Variants in BRD4 observed in about 807,000 individuals in gnomAD.
The protein encoded by BRD4 is bromodomain containing 4.
A neutral mutation model predicts 142.1 loss-of-function variants in BRD4; 16 were observed. The ratio of observed to expected loss-of-function variants is 0.11; its 90% CI spans 0.08 to 0.17. The LOEUF is 0.17. Ranked by LOEUF, BRD4 falls within the 10% of genes least tolerant of loss-of-function variation. The pLI, the probability that BRD4 is intolerant of heterozygous loss-of-function variation, is 1.00. For missense variants in BRD4, 1,424 were observed against 1,810.9 expected (o/e 0.79, Z 3.88); for synonymous variants, 833 against 707.5 (o/e 1.18, Z -2.82).
Position 15,275,567 on chromosome 19 carries a change from A to T in BRD4, c.-34-2434T>A, listed in dbSNP as rs536834193. On this transcript the variant is annotated intron_variant, in intron 1 of 19. Transcript: ENST00000679869. ...TCGTGACACAGTGGCCATCCTTAACACACACACACCCAGGCCCCTGAGGAA... is the reference window on the plus strand; with the variant it reads ...TCGTGACACAGTGGCCATCCTTAACTCACACACACCCAGGCCCCTGAGGAA... The T allele has an allele frequency of 2.6e-5, 4 of 152,286 alleles. No homozygotes were observed. The East Asian group carries it at 7.7e-4, about 29-fold the overall frequency. 9.4% of individuals were successfully genotyped at this position (152,286 alleles called of 1,614,324 possible). A position where few individuals can be genotyped will look rare whatever the true frequency, so the allele number is the denominator to read the frequency against.
chr19:15,244,315 G>T lies in BRD4; in HGVS notation c.2497C>A (p.Pro833Thr). The T allele has an allele frequency of 6.3e-7, 1 of 1,597,580 alleles. No individual in the cohort carries two copies. ...FTQPILHLPQ[P>T]ELPPHLPQPP... ...TGGGGCAGGTGAGGGGGCAGCTCAG[G>T]CTGCGGCAGGTGCAGGATGGGCTGG... The change falls in exon 13 of 20, where the codon CCT becomes ACT. Residue 833 changes from proline to threonine, a missense_variant. Physicochemically the swap from Pro to Thr is conservative, Grantham distance 38. This residue lies in a region of BRD4 where 598 missense variants were observed against 647.8 expected (regional missense o/e 0.92). Coordinates refer to ENST00000679869, the MANE Select transcript of BRD4 (RefSeq NM_001379291.1).
chr19:15,320,391 C>CT, intron 1 of BRD4, among the ~76,000 whole-genome samples: 1 of 152,094 alleles, frequency 6.6e-6, no homozygotes, highest in Non-Finnish European at 1.5e-5. Context: ...ACAACTGTAC[C>CT]TTTTGCAGGC....
intron 1 of BRD4, among the ~76,000 whole-genome samples, chr19:15,320,723 T>C (rs891762017): frequency 6.6e-6 from 1 of 152,234 alleles, no homozygotes; most frequent in Non-Finnish European, 1.5e-5. Flanking sequence ...GAGCTCCTTC[T>C]ATGCCTGACA....
intron 1 of BRD4, among the ~76,000 whole-genome samples, chr19:15,328,928 T>G (rs1231832096): frequency 1.3e-5 from 2 of 152,174 alleles, no homozygotes; most frequent in East Asian, 3.9e-4. Flanking sequence ...CATGCGCCAC[T>G]ATGCCCGGCT....
At chr19:15,300,271 C>G (rs2047856732) in intron 1 of BRD4, among the ~76,000 whole-genome samples, 1 of 151,912 alleles carries the variant, frequency 6.6e-6, no homozygotes, top group African/African-American at 2.4e-5. Flanking sequence ...AAATAAAAAC[C>G]TATGTGTCGG....
intron 1 of BRD4, among the ~76,000 whole-genome samples, chr19:15,303,383 A>G (rs958155220): frequency 1.3e-5 from 2 of 152,116 alleles, no homozygotes; most frequent in African/African-American, 4.8e-5. Flanking sequence ...TCAAACTAGT[A>G]AAACTATTTG....
At chr19:15,264,985 A>G (rs1181256443) in intron 5 of BRD4, among the ~76,000 whole-genome samples, 1 of 152,242 alleles carries the variant, frequency 6.6e-6, no homozygotes, top group East Asian at 1.9e-4. Context: ...AGGAGAAAGC[A>G]TAAAACTGTG....
chr19:15,243,417 G>T lies in BRD4; in HGVS notation c.2652C>A (p.Pro884=). Residue 884 remains proline (P), a synonymous_variant, in exon 14 of 20, where the codon CCC becomes CCA. Coordinates refer to ENST00000679869, the MANE Select transcript of BRD4 (RefSeq NM_001379291.1). ...CTGGTGACACGGCTGGGGGCCGGGC[G>T]GGCTTGGGAGGCAGGGCAGCGGCTC... The part of the protein sequence containing the change: ...SNRAAALPPK[P]ARPPAVSPAL... The T allele has an allele frequency of 6.4e-7, 1 of 1,570,890 alleles. No homozygotes were observed. The highest frequency in any genetic ancestry group is 8.6e-7 in the Non-Finnish European group (1 of 1,161,108).
chr19:15,325,277 T>A (rs1366962636), intron 1 of BRD4, among the ~76,000 whole-genome samples: 1 of 152,176 alleles, frequency 6.6e-6, no homozygotes, highest in East Asian at 1.9e-4. Flanking sequence ...AACCGAGGCC[T>A]GAATGTGCCG....
rs998818737 is a variant in BRD4, at chr19:15,237,602, T to C, written c.*775A>G. ...AGAGAGAATTAAAAATAAAATAGAATTCAACAAAAAATATATATAGAAAAA... is the reference window on the plus strand; with the variant it reads ...AGAGAGAATTAAAAATAAAATAGAACTCAACAAAAAATATATATAGAAAAA... On this transcript the variant is annotated 3_prime_UTR_variant, in exon 20 of 20. Coordinates refer to ENST00000679869, the MANE Select transcript of BRD4 (RefSeq NM_001379291.1). 9.0e-6 allele frequency: 2 copies of C among 222,262 alleles called. No homozygotes were observed. Among genetic ancestry groups the C allele is most frequent in the African/African-American group, 4.6e-5 (2 of 43,732 alleles). The allele number at this position is 222,262 out of a possible 1,614,324, so 13.8% of individuals were successfully genotyped here. A position where few individuals can be genotyped will look rare whatever the true frequency, so the allele number is the denominator to read the frequency against.
intron 1 of BRD4, among the ~76,000 whole-genome samples, chr19:15,319,555 A>G (rs924964089): frequency 5.3e-5 from 8 of 151,778 alleles, no homozygotes; most frequent in African/African-American, 1.7e-4. Context: ...TCAAAGCTGC[A>G]GTGAGCCAAG....
At chr19:15,326,174 A>G (rs2048106929) in intron 1 of BRD4, among the ~76,000 whole-genome samples, 3 of 146,592 alleles carry the variant, frequency 2.0e-5, no homozygotes, top group Admixed American at 2.0e-4. Flanking sequence ...AAAAAAAAAA[A>G]GGCCGGGCGC....
chr19:15,287,773 ATTTCT>A (rs1325383139), intron 1 of BRD4, among the ~76,000 whole-genome samples: 1 of 148,546 alleles, frequency 6.7e-6, no homozygotes, highest in Non-Finnish European at 1.5e-5. Flanking sequence ...GCACCTCTGA[ATTTCT>A]TTTTTTTTTT....
intron 1 of BRD4, among the ~76,000 whole-genome samples, chr19:15,328,851 G>A (rs528328414): frequency 6.6e-6 from 1 of 152,286 alleles, no homozygotes; most frequent in African/African-American, 2.4e-5. Context: ...TTGGCTCACC[G>A]CAACCTCCGC....
intron 7 of BRD4, 93 bp downstream of exon 7, chr19:15,263,327 G>GAA: frequency 2.8e-6 from 4 of 1,432,478 alleles, no homozygotes; most frequent in Non-Finnish European, 2.8e-6. Context: ...GAAAGTGACA[G>GAA]AAAAAAAAAC....
chr19:15,323,444 G>C (rs948096492), intron 1 of BRD4, among the ~76,000 whole-genome samples: 8 of 152,192 alleles, frequency 5.3e-5, no homozygotes, highest in South Asian at 4.1e-4. Flanking sequence ...TCATGATAAT[G>C]ATCTGCTCCC....
intron 6 of BRD4, 184 bp downstream of exon 6, chr19:15,264,220 G>A (rs1599463183): frequency 1.4e-6 from 1 of 731,778 alleles, no homozygotes; most frequent in East Asian, 2.8e-5. Flanking sequence ...CAAGCACCAG[G>A]TCTCAGAGCA....
chr19:15,285,850 C>T (rs186728045), intron 1 of BRD4, among the ~76,000 whole-genome samples: 21 of 152,238 alleles, frequency 1.4e-4, no homozygotes, highest in Admixed American at 7.9e-4. Flanking sequence ...GGTGGGGGCA[C>T]GAAGCACAGC....
chr19:15,291,262 C>T lies in BRD4; in HGVS notation c.-34-18129G>A, dbSNP rs536309421. Reference sequence around the variant, plus strand: ...GGTGCCTGGGGATGACTCAGTATCCCCATCATTTGAAATTTTCCTGGTTTA... The same window carrying T: ...GGTGCCTGGGGATGACTCAGTATCCTCATCATTTGAAATTTTCCTGGTTTA... On this transcript the variant is annotated intron_variant, in intron 1 of 19. Coordinates refer to ENST00000679869, the MANE Select transcript of BRD4 (RefSeq NM_001379291.1). 3.7e-4 allele frequency among the ~76,000 whole-genome samples: 57 copies of T among 152,230 alleles called. No individual in the cohort carries two copies. In the South Asian group the frequency reaches 0.012, roughly 31 times the overall value.
Sources: gnomAD v4.1 joint callset for allele counts (sites outside exome capture counted in the v4.1 genomes callset) on GRCh38, gnomAD v4.1.1 for gene constraint, gnomAD v4.1.1 regional missense constraint, MANE v1.5 for transcripts, NCBI Gene and HGNC (gene_info 2026-07-23, HGNC 2026-07-21) for gene names.